The following VWA3B variants were observed in gnomAD, a reference collection of about 807,000 sequenced individuals.
VWA3B encodes von Willebrand factor A domain containing 3B, also known as von Willebrand factor A domain-containing protein 3B.
VWA3B carries 138 observed loss-of-function variants against 158.3 expected under a neutral mutation model. The ratio of observed to expected loss-of-function variants is 0.87; its 90% CI spans 0.76 to 1.00. The LOEUF is 1.00. VWA3B is among the 50% of genes least tolerant of loss of function. The pLI is 0.00. For synonymous variants in VWA3B, 596 were observed against 587.3 expected, an observed-to-expected ratio of 1.01 and a Z score of -0.21; for missense variants, 1,555 against 1,565.1, an observed-to-expected ratio of 0.99 and a Z score of 0.11.
intron 26 of VWA3B, among the ~76,000 whole-genome samples, chr2:98,304,646 C>T (rs1250018333): frequency 1.3e-5 from 2 of 152,118 alleles, no homozygotes; most frequent in African/African-American, 4.8e-5. Flanking sequence ...AATCAGTGTC[C>T]TTCCTTTCAC....
chr2:98,187,939 T>A, intron 9 of VWA3B, 36 bp from the exon 10 acceptor site: 1 of 1,558,330 alleles, frequency 6.4e-7, no homozygotes, highest in Non-Finnish European at 8.7e-7. Flanking sequence ...CTTTGGACAG[T>A]TTCTGAGTGG....
intron 7 of VWA3B, among the ~76,000 whole-genome samples, chr2:98,154,501 C>G (rs1474410589): frequency 6.6e-6 from 1 of 152,148 alleles, no homozygotes; most frequent in African/African-American, 2.4e-5. Flanking sequence ...CCCCTAAGCC[C>G]AGGGAACCCC....
At chr2:98,237,514 C>T (rs1685782991) in intron 19 of VWA3B, among the ~76,000 whole-genome samples, 1 of 152,150 alleles carries the variant, frequency 6.6e-6, no homozygotes, top group Admixed American at 6.5e-5. Context: ...AGAAAAACAG[C>T]TTCCAATGGG....
In VWA3B at chr2:98,311,937, C is replaced by T. The variant is rs758757511; in HGVS notation, c.3640C>T (p.Gln1214Ter). ...KPRRKKRPAK[Q>*]PLQQAAPSDS... ...CAGGAGGAAAAAGAGGCCCGCCAAGCAGCCACTCCAGCAGGCGGCGCCCTC... is the reference window on the plus strand; with the variant it reads ...CAGGAGGAAAAAGAGGCCCGCCAAGTAGCCACTCCAGCAGGCGGCGCCCTC... Residue 1214 changes from glutamine to a stop codon, truncating the protein, a stop_gained, in exon 27 of 28, where the codon CAG (glutamine) becomes TAG (stop). Transcript: ENST00000477737. LOFTEE classifies it high-confidence loss of function. 1.9e-6 allele frequency: 3 copies of T among 1,607,764 alleles called. No individual in the cohort carries two copies. In the East Asian group the frequency reaches 6.7e-5, roughly 36 times the overall value.
intron 25 of VWA3B, among the ~76,000 whole-genome samples, chr2:98,302,219 A>G (rs1027908489): frequency 1.3e-5 from 2 of 151,808 alleles, no homozygotes; most frequent in South Asian, 2.1e-4. Context: ...CTCTCCCCCA[A>G]ACTCCCGTCA....
At chr2:98,271,134 G>A (rs949560283) in intron 22 of VWA3B, among the ~76,000 whole-genome samples, 64 of 151,728 alleles carry the variant, frequency 4.2e-4, no homozygotes, top group African/African-American at 1.5e-3. Context: ...GAAGTATAAT[G>A]TAGTGATTAA....
intron 2 of VWA3B, among the ~76,000 whole-genome samples, chr2:98,112,973 C>T (rs7603962): frequency 0.11 from 16,878 of 151,230 alleles, 1,231 homozygotes; most frequent in African/African-American, 0.21. Context: ...CTAAAATTTC[C>T]TTTCTTTTCA....
chr2:98,184,009 C>G (rs891430341), intron 9 of VWA3B, among the ~76,000 whole-genome samples: 12 of 152,212 alleles, frequency 7.9e-5, no homozygotes, highest in Admixed American at 3.3e-4. Context: ...CATTTGTGCT[C>G]TCAGTTTACA....
chr2:98,274,227 C>T (rs1688383918), intron 22 of VWA3B, among the ~76,000 whole-genome samples: 1 of 152,154 alleles, frequency 6.6e-6, no homozygotes. Flanking sequence ...GACATTGCAC[C>T]AGAGCATCAC....
At chr2:98,132,212 A>G (rs986825357) in intron 6 of VWA3B, among the ~76,000 whole-genome samples, 3 of 152,238 alleles carry the variant, frequency 2.0e-5, no homozygotes, top group African/African-American at 7.2e-5. Context: ...TGAGGTATTG[A>G]TGTATCCTCC....
At chr2:98,319,266 T>G in the VWA3B span, among the ~76,000 whole-genome samples, 1 of 149,978 alleles carries the variant, frequency 6.7e-6, no homozygotes, top group Admixed American at 6.6e-5. Context: ...GAGTGAATTC[T>G]AACTCAAATT....
chr2:98,220,325 A>G (rs1684393241), intron 14 of VWA3B, among the ~76,000 whole-genome samples: 1 of 152,192 alleles, frequency 6.6e-6, no homozygotes, highest in Non-Finnish European at 1.5e-5. Context: ...GCATTGGTAA[A>G]GATGATGCTA....
intron 26 of VWA3B, among the ~76,000 whole-genome samples, chr2:98,304,376 T>C (rs760488931): frequency 4.6e-5 from 7 of 152,122 alleles, no homozygotes; most frequent in Non-Finnish European, 8.8e-5. Context: ...AAAATTGGGC[T>C]CATGGAGCCA....
chr2:98,259,106 G>C (rs1687328772), intron 21 of VWA3B, among the ~76,000 whole-genome samples: 1 of 151,626 alleles, frequency 6.6e-6, no homozygotes, highest in South Asian at 2.1e-4. Flanking sequence ...CTGCATTTCT[G>C]GCATAAATCC....
intron 9 of VWA3B, among the ~76,000 whole-genome samples, chr2:98,184,994 CA>C (rs1034988387): frequency 2.0e-5 from 3 of 152,220 alleles, no homozygotes; most frequent in Non-Finnish European, 4.4e-5. Context: ...ACTTCAGTCC[CA>C]TATGGAGGAC....
At chr2:98,123,626 T>G (rs1042569817) in intron 5 of VWA3B, among the ~76,000 whole-genome samples, 3 of 152,166 alleles carry the variant, frequency 2.0e-5, no homozygotes, top group Admixed American at 6.5e-5. Flanking sequence ...TACTGTTGTG[T>G]CTCATGAAAA....
chr2:98,291,764 G>C (rs1303347879), intron 23 of VWA3B: 1 of 152,264 alleles, frequency 6.6e-6, no homozygotes, highest in Non-Finnish European at 1.5e-5. Flanking sequence ...GCAACATGAT[G>C]AATTGCAGGT....
At chr2:98,310,565 C>T (rs1193797322) in intron 26 of VWA3B, among the ~76,000 whole-genome samples, 1 of 152,138 alleles carries the variant, frequency 6.6e-6, no homozygotes, top group African/African-American at 2.4e-5. Context: ...GAAAAAGAAA[C>T]AGAATGTATC....
chr2:98,250,311 C>A lies in VWA3B; in HGVS notation c.2674-7C>A. 6.2e-7 allele frequency: 1 copy of A among 1,605,832 alleles called. No homozygotes were observed. The highest frequency in any genetic ancestry group is 8.5e-7 in the Non-Finnish European group (1 of 1,176,462). On this transcript the variant is annotated splice_region_variant and splice_polypyrimidine_tract_variant and intron_variant, in intron 19 of 27. Coordinates refer to ENST00000477737, the MANE Select transcript of VWA3B (RefSeq NM_144992.5). ...ACACTTTCCTTTCCTTTGCCATTGACATGCAGGTGTTCCCTCTGGCACATG... is the reference window on the plus strand; with the variant it reads ...ACACTTTCCTTTCCTTTGCCATTGAAATGCAGGTGTTCCCTCTGGCACATG...
Sources: gnomAD v4.1 joint callset for allele counts (sites outside exome capture counted in the v4.1 genomes callset) on GRCh38, gnomAD v4.1.1 for gene constraint, MANE v1.5 for transcripts, NCBI Gene and HGNC (gene_info 2026-07-23, HGNC 2026-07-21) for gene names.